The following BNC2 variants were observed in gnomAD, a reference collection of about 807,000 sequenced individuals.
The protein encoded by BNC2 is basonuclin zinc finger protein 2, also known as zinc finger protein basonuclin-2.
In BNC2, 20 loss-of-function variants were observed where a neutral mutation model predicts 76.3. The observed-to-expected ratio is 0.26, with a 90% CI of 0.18 to 0.38. BNC2 has a LOEUF of 0.38. Among genes scored for constraint, BNC2 ranks in the 10% least tolerant of loss-of-function variants. The probability of loss-of-function intolerance (pLI) is 1.00; values close to 1 mark genes in which losing one functional copy is unlikely to be tolerated. For missense variants in BNC2, 1,382 were observed against 1,399.8 expected, an observed-to-expected ratio of 0.99 and a Z score of 0.20; for synonymous variants, 582 against 514.8, an observed-to-expected ratio of 1.13 and a Z score of -1.77.
intron 4 of BNC2, among the ~76,000 whole-genome samples, chr9:16,563,448 G>C (rs1033087575): frequency 1.3e-5 from 2 of 150,834 alleles, no homozygotes; most frequent in African/African-American, 4.9e-5. Flanking sequence ...GCGAAACCCT[G>C]TATCTACCAA....
At chr9:16,729,998 T>C (rs1398023258) in intron 2 of BNC2, among the ~76,000 whole-genome samples, 5 of 151,928 alleles carry the variant, frequency 3.3e-5, no homozygotes, top group Non-Finnish European at 7.4e-5. Flanking sequence ...CCTCTCCTTG[T>C]CTCTTTCTCC....
intron 1 of BNC2, among the ~76,000 whole-genome samples, chr9:16,811,006 C>A (rs1167257102): frequency 6.6e-6 from 1 of 150,504 alleles, no homozygotes; most frequent in Non-Finnish European, 1.5e-5. Context: ...ATCTCAAGGT[C>A]AGGAGATCAA....
At chr9:16,425,476 C>T (rs1410736784) in intron 6 of BNC2, among the ~76,000 whole-genome samples, 1 of 152,104 alleles carries the variant, frequency 6.6e-6, no homozygotes, top group Non-Finnish European at 1.5e-5. Flanking sequence ...CAACAAGGGG[C>T]GATTCTCCTG....
intron 1 of BNC2, among the ~76,000 whole-genome samples, chr9:16,832,515 T>C (rs1342243183): frequency 6.6e-6 from 1 of 152,210 alleles, no homozygotes; most frequent in Non-Finnish European, 1.5e-5. Context: ...ACTCGTGTCC[T>C]GACTGTAAAA....
intron 4 of BNC2, among the ~76,000 whole-genome samples, chr9:16,560,287 T>G (rs1313259426): frequency 2.0e-5 from 3 of 152,214 alleles, no homozygotes; most frequent in African/African-American, 4.8e-5. Flanking sequence ...AGCAAAATAG[T>G]TGGAAATTAG....
intron 1 of BNC2, among the ~76,000 whole-genome samples, chr9:16,803,380 G>A (rs1304208688): frequency 6.6e-6 from 1 of 152,190 alleles, no homozygotes; most frequent in African/African-American, 2.4e-5. Flanking sequence ...CCCAAAAAGA[G>A]CAAAGTTAAT....
At chr9:16,622,355 G>A (rs962640606) in intron 3 of BNC2, among the ~76,000 whole-genome samples, 1 of 152,114 alleles carries the variant, frequency 6.6e-6, no homozygotes, top group Non-Finnish European at 1.5e-5. Context: ...CAGGATTTGT[G>A]TAATATTTTT....
intron 5 of BNC2, among the ~76,000 whole-genome samples, chr9:16,517,632 A>G (rs532150729): frequency 4.1e-4 from 63 of 152,312 alleles, no homozygotes; most frequent in South Asian, 3.1e-3. Context: ...CTGGTGTCCT[A>G]TGATGCAAAG....
intron 3 of BNC2, among the ~76,000 whole-genome samples, chr9:16,672,113 G>A (rs1822494406): frequency 6.6e-6 from 1 of 152,146 alleles, no homozygotes; most frequent in Admixed American, 6.5e-5. Context: ...ATAATCACAG[G>A]TGAAACAGGG....
chr9:16,788,679 G>A (rs78119711), intron 1 of BNC2, among the ~76,000 whole-genome samples: 7,569 of 151,990 alleles, frequency 0.05, 659 homozygotes, highest in African/African-American at 0.17. Flanking sequence ...AAAGAGAAAA[G>A]GGAGCCCTTT....
chr9:16,791,601 C>A (rs1817512397), intron 1 of BNC2, among the ~76,000 whole-genome samples: 1 of 152,144 alleles, frequency 6.6e-6, no homozygotes, highest in Admixed American at 6.5e-5. Flanking sequence ...CACAGAATCA[C>A]AGCAACTTCC....
intron 3 of BNC2, among the ~76,000 whole-genome samples, chr9:16,634,247 C>T (rs1821250281): frequency 6.6e-6 from 1 of 152,156 alleles, no homozygotes; most frequent in Admixed American, 6.5e-5. Context: ...TTTTTTCCTT[C>T]AATATACTGT....
intron 5 of BNC2, among the ~76,000 whole-genome samples, chr9:16,461,311 T>C (rs1401659107): frequency 9.2e-5 from 14 of 152,148 alleles, no homozygotes; most frequent in Admixed American, 9.2e-4. Context: ...ACCAGGCGCT[T>C]CCATGTTTTT....
At chr9:16,776,162 G>A (rs905884682) in intron 1 of BNC2, among the ~76,000 whole-genome samples, 2 of 151,782 alleles carry the variant, frequency 1.3e-5, no homozygotes, top group Non-Finnish European at 2.9e-5. Flanking sequence ...TTTTTAAGAG[G>A]GAGTTTCGCT....
In BNC2 at chr9:16,418,459, A is replaced by G. The variant is rs1224435057; in HGVS notation, c.*530T>C. 3 of 153,644 alleles carry G rather than the reference A, an allele frequency of 2.0e-5. No homozygotes were observed. The highest frequency in any genetic ancestry group is 1.4e-5 in the Non-Finnish European group (1 of 68,998). The allele number at this position is 153,644 out of a possible 1,614,324, so 9.5% of individuals were successfully genotyped here. A position where few individuals can be genotyped will look rare whatever the true frequency, so the allele number is the denominator to read the frequency against. On this transcript the variant is annotated 3_prime_UTR_variant, in exon 7 of 7. Transcript: ENST00000380672. ...TACATCAATGGCCCCTCAAGGCTAA[A>G]TATTTACAGGTGAATCTGCCATGCT... is the stretch of plus-strand genomic sequence containing the variant.
At chr9:16,487,138 G>C (rs1822181630) in intron 5 of BNC2, among the ~76,000 whole-genome samples, 1 of 152,218 alleles carries the variant, frequency 6.6e-6, no homozygotes, top group Admixed American at 6.5e-5. Flanking sequence ...CTAAAGGCAA[G>C]ACAGTAAGCC....
chr9:16,743,727 T>G (rs1199568376), intron 1 of BNC2, among the ~76,000 whole-genome samples: 43 of 152,184 alleles, frequency 2.8e-4, no homozygotes, highest in Admixed American at 2.8e-3. Flanking sequence ...GTTCTTTCCA[T>G]TCACATGATG....
At chr9:16,774,334 G>A (rs1436669857) in intron 1 of BNC2, among the ~76,000 whole-genome samples, 1 of 152,126 alleles carries the variant, frequency 6.6e-6, no homozygotes. Context: ...CATCTGATAA[G>A]GAACCAGAAC....
intron 1 of BNC2, among the ~76,000 whole-genome samples, chr9:16,752,651 G>A (rs1586855767): frequency 6.6e-6 from 1 of 152,016 alleles, no homozygotes; most frequent in Non-Finnish European, 1.5e-5. Context: ...AAAATAATCT[G>A]TATAGTTTTC....
Sources: gnomAD v4.1 joint callset for allele counts (sites outside exome capture counted in the v4.1 genomes callset) on GRCh38, gnomAD v4.1.1 for gene constraint, MANE v1.5 for transcripts, NCBI Gene and HGNC (gene_info 2026-07-23, HGNC 2026-07-21) for gene names.